BTBD8: variants seen among roughly 807,000 people sequenced by gnomAD.
The protein encoded by BTBD8 is BTB/POZ domain-containing protein 8.
Under a neutral mutation model 162.9 loss-of-function variants are expected in BTBD8, and 110 were observed. The observed-to-expected ratio is 0.68, with a 90% CI of 0.58 to 0.79. The LOEUF is 0.79. Ranked by LOEUF, BTBD8 falls within the 30% of genes least tolerant of loss-of-function variation. The pLI is 0.00. For missense variants in BTBD8, 1,905 were observed against 2,085.4 expected (o/e 0.91, Z 1.68); for synonymous variants, 667 against 716.1 (o/e 0.93, Z 1.10).
Position 92,177,870 on chromosome 1 carries a change from C to A in BTBD8, c.2413C>A (p.His805Asn), listed in dbSNP as rs1650767262. Residue 805 changes from histidine (H) to asparagine (N), a missense_variant, in exon 15 of 18, where the codon CAT becomes AAT. Transcript: ENST00000636805. ...TNGTSNKKSIHEQDTNVNNSV... is the reference protein window; with the variant it reads ...TNGTSNKKSINEQDTNVNNSV... ...TGGAACTTCCAATAAAAAAAGTATT[C>A]ATGAACAAGACACTAATGTAAATAA... 2.0e-6 allele frequency: 3 copies of A among 1,536,956 alleles called. No homozygotes were observed. Among genetic ancestry groups the A allele is most frequent in the Middle Eastern group, 1.7e-4 (1 of 5,932 alleles).
At chr1:92,139,679 A>G (rs1557453651) in intron 6 of BTBD8, 1 of 678,656 alleles carries the variant, frequency 1.5e-6, no homozygotes, top group East Asian at 5.6e-5. Context: ...AAGAAGCTAT[A>G]AATTATGGTT....
chr1:92,182,865 G>C (rs925318334), intron 17 of BTBD8, among the ~76,000 whole-genome samples: 1 of 151,886 alleles, frequency 6.6e-6, no homozygotes, highest in African/African-American at 2.4e-5. Context: ...AGAATAAAAA[G>C]AAAAACTTAG....
chr1:92,128,446 T>G (rs1557449546), intron 4 of BTBD8, among the ~76,000 whole-genome samples: 1 of 152,134 alleles, frequency 6.6e-6, no homozygotes, highest in Non-Finnish European at 1.5e-5. Context: ...GCCCGGCTAA[T>G]TTTTTGTGTT....
intron 2 of BTBD8, among the ~76,000 whole-genome samples, chr1:92,096,470 G>T (rs549568658): frequency 2.6e-5 from 4 of 151,846 alleles, no homozygotes; most frequent in African/African-American, 7.3e-5. Flanking sequence ...GCTGAATGTG[G>T]CTGGGAAAAC....
chr1:92,158,098 A>T (rs958595478), intron 9 of BTBD8, among the ~76,000 whole-genome samples: 4 of 151,962 alleles, frequency 2.6e-5, no homozygotes, highest in Admixed American at 2.6e-4. Flanking sequence ...ATCTTTTTTT[A>T]TTCCTTCACT....
chr1:92,169,537 A>G (rs1447070937), intron 12 of BTBD8, among the ~76,000 whole-genome samples: 2 of 152,184 alleles, frequency 1.3e-5, no homozygotes, highest in Admixed American at 6.5e-5. Flanking sequence ...AAACATTAGC[A>G]TTAAACAAAA....
chr1:92,139,950 A>C (rs1194533242), intron 6 of BTBD8: 5 of 144,230 alleles, frequency 3.5e-5, no homozygotes, highest in African/African-American at 1.3e-4. Flanking sequence ...AAAAAAAAAA[A>C]AAAAAAAAAA....
chr1:92,167,827 A>G (rs1261472543), intron 10 of BTBD8, 21 bp from the exon 11 acceptor site: 2 of 1,539,086 alleles, frequency 1.3e-6, no homozygotes, highest in Non-Finnish European at 1.8e-6. Context: ...CCTCTTAAAT[A>G]TTAATTTCTG....
At chr1:92,108,139 C>A (rs1570722523) in intron 4 of BTBD8, 138 bp downstream of exon 4, 1 of 799,628 alleles carries the variant, frequency 1.3e-6, no homozygotes, top group Non-Finnish European at 2.1e-6. Flanking sequence ...CAAAGGGGTT[C>A]CACTGTGATT....
chr1:92,167,975 C>T lies in BTBD8; in HGVS notation c.1433C>T (p.Thr478Ile). The change falls in exon 11 of 18, where the codon ACA (threonine) becomes ATA (isoleucine). Residue 478 changes from threonine to isoleucine, a missense_variant. Physicochemically the swap from Thr to Ile is moderately conservative, Grantham distance 89 (BLOSUM62 -1). Around this residue, in one of 3 missense-constraint regions of BTBD8, gnomAD observed 1,374 missense variants for 1,442.7 expected, o/e 0.95. Transcript: ENST00000636805. ...ALDTLLNSDS[T>I]KEMGFTCKIQ... ...GACACACTGCTGAACTCTGACAGTA[C>T]AAAGGAAATGGTACTGAATGTAATG... 2 of 1,545,098 alleles carry T rather than the reference C, an allele frequency of 1.3e-6. No homozygotes were observed. Among genetic ancestry groups the T allele is most frequent in the Non-Finnish European group, 8.7e-7 (1 of 1,143,430 alleles).
intron 5 of BTBD8, among the ~76,000 whole-genome samples, 197 bp downstream of exon 5, chr1:92,129,973 C>T (rs549098538): frequency 6.6e-6 from 1 of 152,188 alleles, no homozygotes; most frequent in Non-Finnish European, 1.5e-5. Context: ...TCTGCTTATG[C>T]TTCTGTAACA....
chr1:92,167,844 A>T lies in BTBD8; in HGVS notation c.1306-4A>T, dbSNP rs1040117638. On this transcript the variant is annotated splice_region_variant and splice_polypyrimidine_tract_variant and intron_variant, in intron 10 of 17. Coordinates refer to ENST00000636805, the MANE Select transcript of BTBD8 (RefSeq NM_001376131.1). ...TCTTAAATATTAATTTCTGTGTTTT[A>T]TAGTCACAAGCAATGAGCAGCACAG... 1.5e-5 allele frequency: 23 copies of T among 1,546,596 alleles called. No individual in the cohort carries two copies. The highest frequency in any genetic ancestry group is 2.0e-5 in the Admixed American group (1 of 50,634).
intron 9 of BTBD8, among the ~76,000 whole-genome samples, chr1:92,149,857 A>T (rs1650007040): frequency 6.6e-6 from 1 of 152,026 alleles, no homozygotes; most frequent in Non-Finnish European, 1.5e-5. Flanking sequence ...TAGCGTCCAG[A>T]CTGGAGGCAG....
intron 3 of BTBD8, 120 bp downstream of exon 3, chr1:92,102,789 G>A: frequency 3.1e-6 from 3 of 952,660 alleles, no homozygotes; most frequent in Non-Finnish European, 4.3e-6. Context: ...TAAGCATGGA[G>A]AACTGAAAAC....
intron 4 of BTBD8, among the ~76,000 whole-genome samples, chr1:92,113,403 GC>G (rs1337110077): frequency 6.6e-6 from 1 of 152,222 alleles, no homozygotes; most frequent in Admixed American, 6.5e-5. Context: ...TAGGGAGAAA[GC>G]CAGAGAAAAC....
chr1:92,083,059 C>T lies in BTBD8; in HGVS notation c.149+2339C>T, dbSNP rs191910556. ...GCTGAGGCAGGAGAATTGTTTGAAC[C>T]GGGGAGGTGGAGATTGCAGTGAGCT... On this transcript the variant is annotated intron_variant, in intron 1 of 17. Coordinates refer to ENST00000636805, the MANE Select transcript of BTBD8 (RefSeq NM_001376131.1). 4.1e-3 allele frequency among the ~76,000 whole-genome samples: 612 copies of T among 151,020 alleles called. 3 individuals are homozygous for T. The highest frequency in any genetic ancestry group is 0.011 in the Admixed American group (160 of 15,126).
At chr1:92,152,141 A>G (rs760189602) in intron 9 of BTBD8, among the ~76,000 whole-genome samples, 9 of 152,228 alleles carry the variant, frequency 5.9e-5, no homozygotes, top group Non-Finnish European at 1.3e-4. Context: ...TATTCTAAAT[A>G]TAATATGATA....
At chr1:92,115,010 C>A in intron 4 of BTBD8, 1 of 299,528 alleles carries the variant, frequency 3.3e-6, no homozygotes, top group African/African-American at 2.3e-5. Context: ...AGGGCCCCCT[C>A]TGATGCTGCT....
chr1:92,142,948 C>G (rs1649811795), intron 7 of BTBD8, among the ~76,000 whole-genome samples: 1 of 152,178 alleles, frequency 6.6e-6, no homozygotes, highest in Admixed American at 6.5e-5. Context: ...AATGGAGGAG[C>G]AGGAGATCAG....
Sources: gnomAD v4.1 joint callset for allele counts (sites outside exome capture counted in the v4.1 genomes callset) on GRCh38, gnomAD v4.1.1 for gene constraint, gnomAD v4.1.1 regional missense constraint, MANE v1.5 for transcripts, NCBI Gene and HGNC (gene_info 2026-07-23, HGNC 2026-07-21) for gene names.